CDH18: variants seen among roughly 807,000 people sequenced by gnomAD.
The protein encoded by CDH18 is cadherin 18.
In CDH18, 31 loss-of-function variants were observed where a neutral mutation model predicts 67.9. That is an observed-to-expected ratio of 0.46 (90% CI 0.34 to 0.62). CDH18 has a LOEUF of 0.62. Ranked by LOEUF, CDH18 falls within the 20% of genes least tolerant of loss-of-function variation. The pLI, the probability that CDH18 is intolerant of heterozygous loss-of-function variation, is 0.01. For synonymous variants in CDH18, 362 were observed against 347.2 expected (o/e 1.04, Z -0.48); for missense variants, 890 against 975.5 (o/e 0.91, Z 1.17).
intron 2 of CDH18, among the ~76,000 whole-genome samples, chr5:20,157,808 A>AT (rs1312555325): frequency 3.3e-5 from 5 of 151,836 alleles, no homozygotes; most frequent in South Asian, 2.1e-4. Flanking sequence ...CACCCAGCTA[A>AT]TTTTTGTATT....
chr5:19,607,801 CATT>C (rs1379708619), intron 6 of CDH18, among the ~76,000 whole-genome samples: 3 of 150,794 alleles, frequency 2.0e-5, no homozygotes, highest in South Asian at 2.1e-4. Context: ...TTATAGAAAA[CATT>C]ATACCACACA....
intron 2 of CDH18, among the ~76,000 whole-genome samples, chr5:20,224,738 A>G (rs1741479566): frequency 6.6e-6 from 1 of 152,168 alleles, no homozygotes; most frequent in African/African-American, 2.4e-5. Flanking sequence ...TCAAATTATG[A>G]TATAAAATAG....
At chr5:19,570,442 T>C (rs915655215) in intron 8 of CDH18, among the ~76,000 whole-genome samples, 7 of 152,160 alleles carry the variant, frequency 4.6e-5, no homozygotes, top group African/African-American at 1.7e-4. Context: ...ACTACATGCA[T>C]GGGTGCTAGG....
chr5:20,225,821 G>T lies in CDH18; in HGVS notation c.-518+29623C>A, dbSNP rs115990629. On this transcript the variant is annotated intron_variant, in intron 2 of 14. Coordinates refer to the CDH18 transcript ENST00000507958. ...TTGATCAGTAGGAGAAGGGTACTTA[G>T]ATGTGAAATGGAAACTTTTAAGCTC... Among the ~76,000 whole-genome samples, 160 of 152,248 alleles carry T rather than the reference G, an allele frequency of 1.1e-3. 1 individual carries two copies. Among genetic ancestry groups the T allele is most frequent in the African/African-American group, 3.7e-3 (154 of 41,568 alleles).
chr5:20,043,148 G>A (rs977619253), intron 2 of CDH18, among the ~76,000 whole-genome samples: 4 of 152,006 alleles, frequency 2.6e-5, no homozygotes, highest in African/African-American at 9.7e-5. Flanking sequence ...GACAGTAGCA[G>A]TAATGTCAAT....
intron 2 of CDH18, among the ~76,000 whole-genome samples, chr5:19,941,059 C>T (rs546962262): frequency 5.9e-4 from 90 of 152,126 alleles, no homozygotes; most frequent in African/African-American, 2.1e-3. Flanking sequence ...TGTGTTGAAA[C>T]CTAATCCCCA....
chr5:19,611,575 G>C (rs1748971351), intron 6 of CDH18, among the ~76,000 whole-genome samples: 1 of 152,114 alleles, frequency 6.6e-6, no homozygotes, highest in South Asian at 2.1e-4. Flanking sequence ...ATAAAGTTGA[G>C]AAAGGCATTT....
intron 5 of CDH18, among the ~76,000 whole-genome samples, chr5:19,684,576 G>A (rs1760797415): frequency 1.3e-5 from 2 of 151,028 alleles, no homozygotes; most frequent in Admixed American, 6.6e-5. Flanking sequence ...CAGATACAAA[G>A]AGATTTTTTA....
intron 1 of CDH18, among the ~76,000 whole-genome samples, chr5:20,325,124 G>A (rs10071089): frequency 0.11 from 16,594 of 152,144 alleles, 1,505 homozygotes; most frequent in East Asian, 0.37. Flanking sequence ...CTAGTTCCCC[G>A]TTGGCAATGA....
intron 2 of CDH18, among the ~76,000 whole-genome samples, chr5:20,147,310 T>A (rs915581309): frequency 5.9e-5 from 9 of 152,086 alleles, no homozygotes; most frequent in African/African-American, 2.2e-4. Flanking sequence ...CAAACAAATA[T>A]AAGAAATGTT....
chr5:20,481,613 C>A (rs1752816786), intron 1 of CDH18, among the ~76,000 whole-genome samples: 2 of 151,906 alleles, frequency 1.3e-5, no homozygotes, highest in Admixed American at 1.3e-4. Context: ...TTTCTCTGGC[C>A]ACAATGGAAA....
At chr5:20,517,561 A>G (rs963006137) in intron 1 of CDH18, among the ~76,000 whole-genome samples, 1 of 152,056 alleles carries the variant, frequency 6.6e-6, no homozygotes, top group African/African-American at 2.4e-5. Flanking sequence ...TATTTTAAAT[A>G]AATGATGGTT....
At chr5:20,523,237 T>C (rs1755852131) in intron 1 of CDH18, among the ~76,000 whole-genome samples, 1 of 152,196 alleles carries the variant, frequency 6.6e-6, no homozygotes, top group African/African-American at 2.4e-5. Flanking sequence ...TGCTCATGCA[T>C]GCTTTTTGCA....
intron 2 of CDH18, among the ~76,000 whole-genome samples, chr5:19,903,916 T>G: frequency 6.6e-6 from 1 of 152,000 alleles, no homozygotes; most frequent in East Asian, 1.9e-4. Flanking sequence ...ACTAGATAAT[T>G]TAATGCTTCC....
In CDH18 at chr5:20,320,513, G is replaced by T. The variant is rs528235489; in HGVS notation, c.-579-65008C>A. Among the ~76,000 whole-genome samples the T allele has an allele frequency of 2.5e-4, 38 of 152,248 alleles. 1 individual carries two copies. In the South Asian group the frequency reaches 6.8e-3, roughly 27 times the overall value. On this transcript the variant is annotated intron_variant, in intron 1 of 14. Transcript: ENST00000507958. ...GGAGCCATCATATTTCTTGGCAGAG[G>T]AAAATAGAATGTTGTTCTAAGAAAT...
In CDH18 at chr5:19,945,658, GA is replaced by G. The variant is rs373791726; in HGVS notation, c.-257+35401del. On this transcript the variant is annotated intron_variant, in intron 2 of 12. Coordinates refer to ENST00000382275, the MANE Select transcript of CDH18 (RefSeq NM_004934.5). Reference sequence around the variant, plus strand: ...ACAGAAGAAGAGATAGAAAATCTCAGAAAAATAACAGTTTTTGGAAAACAAA... The same window carrying G: ...ACAGAAGAAGAGATAGAAAATCTCAGAAAATAACAGTTTTTGGAAAACAAA... Among the ~76,000 whole-genome samples the G allele has an allele frequency of 8.0e-4, 122 of 152,096 alleles. No homozygotes were observed. The East Asian group carries it at 9.9e-3, about 12-fold the overall frequency.
chr5:20,565,831 C>T (rs942772141), intron 1 of CDH18, among the ~76,000 whole-genome samples: 1 of 151,708 alleles, frequency 6.6e-6, no homozygotes, highest in African/African-American at 2.4e-5. Flanking sequence ...TGTCAACTAA[C>T]CAACTAATCC....
intron 1 of CDH18, among the ~76,000 whole-genome samples, chr5:20,370,214 C>G (rs1394710526): frequency 6.6e-6 from 1 of 151,606 alleles, no homozygotes; most frequent in Non-Finnish European, 1.5e-5. Flanking sequence ...TCATTACTAT[C>G]CTTGTCACCG....
intron 1 of CDH18, among the ~76,000 whole-genome samples, chr5:20,435,049 T>A (rs1749067318): frequency 1.3e-5 from 2 of 152,076 alleles, no homozygotes; most frequent in Non-Finnish European, 2.9e-5. Flanking sequence ...CCAGCACAAG[T>A]AAGTTCTTCT....
Sources: allele counts gnomAD v4.1 joint callset (sites outside exome capture counted in the v4.1 genomes callset), GRCh38; gene constraint gnomAD v4.1.1; transcripts MANE v1.5; gene names NCBI Gene and HGNC (gene_info 2026-07-23, HGNC 2026-07-21).